PREX2: variants seen among roughly 807,000 people sequenced by gnomAD.
PREX2 encodes the protein phosphatidylinositol-3,4,5-trisphosphate dependent Rac exchange factor 2, also known as phosphatidylinositol 3,4,5-trisphosphate-dependent Rac exchanger 2 protein.
A neutral mutation model predicts 203.2 loss-of-function variants in PREX2; 107 were observed. The ratio of observed to expected loss-of-function variants is 0.53; its 90% CI spans 0.45 to 0.62. The LOEUF (loss-of-function observed/expected upper bound fraction) is 0.62. Ranked by LOEUF, PREX2 falls within the 20% of genes least tolerant of loss-of-function variation. The pLI is 0.00. For missense variants in PREX2, 1,777 were observed against 1,955.9 expected (o/e 0.91, Z 1.72); for synonymous variants, 672 against 663.6 (o/e 1.01, Z -0.19).
At chr8:68,130,752 A>T (rs1399333442) in intron 31 of PREX2, among the ~76,000 whole-genome samples, 1 of 152,164 alleles carries the variant, frequency 6.6e-6, no homozygotes, top group Non-Finnish European at 1.5e-5. Flanking sequence ...TGATGTACTG[A>T]TGGTTGCTTG....
chr8:67,954,041 A>C (rs139570875), intron 1 of PREX2, among the ~76,000 whole-genome samples: 1 of 152,236 alleles, frequency 6.6e-6, no homozygotes, highest in South Asian at 2.1e-4. Flanking sequence ...CAGTTAATCT[A>C]ATTATATTAA....
Position 68,194,546 on chromosome 8 carries a change from C to T in PREX2, c.4604+2021C>T, listed in dbSNP as rs138216103. Reference sequence around the variant, plus strand: ...CTCATGCCTATAATCCTGGCACTTCCGGAAGCTCAGGTGGGTGGATCACTT... The same window carrying T: ...CTCATGCCTATAATCCTGGCACTTCTGGAAGCTCAGGTGGGTGGATCACTT... On this transcript the variant is annotated intron_variant, in intron 37 of 39. Coordinates refer to ENST00000288368, the MANE Select transcript of PREX2 (RefSeq NM_024870.4). Among the ~76,000 whole-genome samples the T allele has an allele frequency of 7.4e-3, 1,125 of 151,602 alleles. 13 individuals are homozygous for T. The highest frequency in any genetic ancestry group is 0.026 in the African/African-American group (1,073 of 41,316).
Position 68,080,431 on chromosome 8 carries a change from C to A in PREX2, c.1643-12C>A, listed in dbSNP as rs939476806. The A allele has an allele frequency of 6.2e-7, 1 of 1,607,402 alleles. No individual in the cohort carries two copies. Among genetic ancestry groups the A allele is most frequent in the South Asian group, 1.1e-5 (1 of 88,916 alleles). On this transcript the variant is annotated splice_polypyrimidine_tract_variant and intron_variant, in intron 15 of 39. Coordinates refer to ENST00000288368, the MANE Select transcript of PREX2 (RefSeq NM_024870.4). ...ATTAGCTGAAATAATTTGCATCTGTCTTTTTCTGTAGTCCTTGAAAAAAGC... is the reference window on the plus strand; with the variant it reads ...ATTAGCTGAAATAATTTGCATCTGTATTTTTCTGTAGTCCTTGAAAAAAGC...
chr8:67,992,085 A>G (rs1022276902), intron 1 of PREX2, among the ~76,000 whole-genome samples: 37 of 151,834 alleles, frequency 2.4e-4, no homozygotes, highest in African/African-American at 8.7e-4. Flanking sequence ...CCCTCAGTGA[A>G]GGACTCTGGT....
intron 25 of PREX2, among the ~76,000 whole-genome samples, chr8:68,110,189 T>C (rs1810509221): frequency 6.6e-6 from 1 of 152,176 alleles, no homozygotes; most frequent in African/African-American, 2.4e-5. Flanking sequence ...AATGAGCACT[T>C]TTCCAAATAA....
At chr8:68,199,387 A>G (rs537909200) in intron 37 of PREX2, among the ~76,000 whole-genome samples, 2 of 152,322 alleles carry the variant, frequency 1.3e-5, no homozygotes, top group African/African-American at 4.8e-5. Flanking sequence ...ATGATTTGGA[A>G]ATTCACATTT....
Position 68,030,650 on chromosome 8 carries a change from G to A in PREX2, c.697G>A (p.Gly233Ser). ...VLEEWQSHIE[G>S]WEGSNITDTC... ...AGAGGAATGGCAGTCTCACATTGAA[G>A]GCTGGGAGGTACATTCACTTTGCTT... is the stretch of plus-strand genomic sequence containing the variant. The change falls in exon 6 of 40, where the codon GGC becomes AGC. Residue 233 changes from glycine to serine, a missense_variant. Gly to Ser is a moderately conservative substitution (Grantham distance 56). Transcript: ENST00000288368. The A allele has an allele frequency of 6.2e-7, 1 of 1,613,488 alleles. No homozygotes were observed. Among genetic ancestry groups the A allele is most frequent in the Non-Finnish European group, 8.5e-7 (1 of 1,179,536 alleles).
chr8:68,073,783 T>C (rs1311784702), intron 14 of PREX2, among the ~76,000 whole-genome samples: 2 of 152,206 alleles, frequency 1.3e-5, no homozygotes, highest in Non-Finnish European at 2.9e-5. Context: ...CTAGAATTCA[T>C]GTGAACTTGT....
chr8:68,093,672 C>A lies in PREX2; in HGVS notation c.2318C>A (p.Ser773Tyr). 6.2e-7 allele frequency: 1 copy of A among 1,611,550 alleles called. No homozygotes were observed. Among genetic ancestry groups the A allele is most frequent in the Non-Finnish European group, 8.5e-7 (1 of 1,177,878 alleles). ...CAAGAAGACCTTCAAAAATCTCACT[C>A]CAAGCCCCCTGGAGATGAAGCAGGG... ...SAQEDLQKSH[S>Y]KPPGDEAGDA... is the part of the protein sequence containing the mutation. The change falls in exon 21 of 40, where the codon TCC becomes TAC. Residue 773 changes from serine (S) to tyrosine (Y), a missense_variant. Transcript: ENST00000288368.
At chr8:68,102,750 C>A (rs979766573) in intron 23 of PREX2, 1 of 466,552 alleles carries the variant, frequency 2.1e-6, no homozygotes. Context: ...AAAATAGAAA[C>A]CAGTTGATTG....
At chr8:68,063,975 C>A (rs1009130374) in intron 11 of PREX2, among the ~76,000 whole-genome samples, 2 of 152,030 alleles carry the variant, frequency 1.3e-5, no homozygotes, top group Admixed American at 6.5e-5. Flanking sequence ...ACAGAGCAAG[C>A]AAAAAAGAAG....
rs2129611982 is a variant in PREX2, at chr8:68,083,260, GA to G, written c.1904del (p.Lys635ArgfsTer9). The G allele has an allele frequency of 6.3e-7, 1 of 1,595,746 alleles. No homozygotes were observed. On this transcript the variant is annotated frameshift_variant, in exon 18 of 40. Coordinates refer to ENST00000288368, the MANE Select transcript of PREX2 (RefSeq NM_024870.4). LOFTEE classifies it high-confidence loss of function. ...NAEMAGMEVGKKIFAINGDLV... is the reference protein window; with the variant it reads ...NAEMAGMEVGXKIFAINGDLV... Reference sequence around the variant, plus strand: ...CTTAGATGGCTGGCATGGAAGTCGGGAAAAAGATTTTTGCTATTAATGGTGA... The same window carrying G: ...CTTAGATGGCTGGCATGGAAGTCGGGAAAAGATTTTTGCTATTAATGGTGA...
At chr8:68,049,239 A>C (rs958782573) in intron 8 of PREX2, among the ~76,000 whole-genome samples, 2 of 150,884 alleles carry the variant, frequency 1.3e-5, no homozygotes, top group East Asian at 3.9e-4. Flanking sequence ...AATGTTAAAT[A>C]TTTATGAAGA....
intron 37 of PREX2, among the ~76,000 whole-genome samples, chr8:68,196,412 A>G (rs1745472029): frequency 6.8e-6 from 1 of 147,460 alleles, no homozygotes; most frequent in South Asian, 2.1e-4. Context: ...ATAGCTTTAT[A>G]TATTATATAT....
intron 35 of PREX2, among the ~76,000 whole-genome samples, chr8:68,172,590 G>T (rs183398985): frequency 1.4e-4 from 22 of 152,332 alleles, no homozygotes; most frequent in Non-Finnish European, 1.2e-4. Context: ...AGCCATTGGG[G>T]ATGTGGTGAT....
At chr8:68,082,961 C>A in intron 17 of PREX2, 1 of 273,170 alleles carries the variant, frequency 3.7e-6, no homozygotes, top group Non-Finnish European at 6.9e-6. Flanking sequence ...AGCTAAAGAA[C>A]AGTAAAATAT....
chr8:68,056,419 T>G (rs1168691195), intron 10 of PREX2, among the ~76,000 whole-genome samples: 1 of 152,054 alleles, frequency 6.6e-6, no homozygotes, highest in Non-Finnish European at 1.5e-5. Context: ...ATAAAGGGTG[T>G]AGGTAAAGAG....
At chr8:67,966,538 C>A (rs7824236) in intron 1 of PREX2, among the ~76,000 whole-genome samples, 2 of 151,568 alleles carry the variant, frequency 1.3e-5, no homozygotes, top group Admixed American at 6.6e-5. Flanking sequence ...GAAGTGGGAG[C>A]ATCTTTTAAG....
At chr8:68,075,993 G>A (rs977214540) in intron 14 of PREX2, among the ~76,000 whole-genome samples, 7 of 152,132 alleles carry the variant, frequency 4.6e-5, no homozygotes, top group African/African-American at 1.7e-4. Context: ...CAGCAGGGAG[G>A]CCAAGTTGCC....
Sources: allele counts gnomAD v4.1 joint callset (sites outside exome capture counted in the v4.1 genomes callset), GRCh38; gene constraint gnomAD v4.1.1; transcripts MANE v1.5; gene names NCBI Gene and HGNC (gene_info 2026-07-23, HGNC 2026-07-21).